EYS: variants seen among roughly 807,000 people sequenced by gnomAD.
EYS encodes the protein protein eyes shut homolog.
EYS carries 250 observed loss-of-function variants against 282.1 expected under a neutral mutation model. The observed-to-expected ratio is 0.89, with a 90% confidence interval of 0.80 to 0.98. EYS has a LOEUF of 0.98. Ranked by LOEUF, EYS falls within the 50% of genes least tolerant of loss-of-function variation. EYS has a pLI of 0.00. For missense variants in EYS, 4,016 were observed against 3,709.0 expected, an observed-to-expected ratio of 1.08 and a Z score of -2.15; for synonymous variants, 1,355 against 1,282.9, an observed-to-expected ratio of 1.06 and a Z score of -1.20.
At chr6:65,420,032 T>A (rs1767394933) in intron 5 of EYS, among the ~76,000 whole-genome samples, 1 of 152,050 alleles carries the variant, frequency 6.6e-6, no homozygotes, top group African/African-American at 2.4e-5. Flanking sequence ...CTAATATTTT[T>A]GCTGATGGAA....
intron 31 of EYS, among the ~76,000 whole-genome samples, chr6:64,203,893 T>G (rs1765544978): frequency 6.6e-6 from 1 of 152,166 alleles, no homozygotes; most frequent in African/African-American, 2.4e-5. Flanking sequence ...TTGTATTCAG[T>G]TATTTAATCA....
chr6:63,927,468 A>G (rs1017010881), intron 35 of EYS, among the ~76,000 whole-genome samples: 2 of 152,212 alleles, frequency 1.3e-5, no homozygotes, highest in Non-Finnish European at 2.9e-5. Flanking sequence ...TCATAAAACA[A>G]TTAACATTTC....
intron 12 of EYS, among the ~76,000 whole-genome samples, chr6:65,216,261 A>T (rs1173144587): frequency 6.6e-6 from 1 of 152,090 alleles, no homozygotes; most frequent in Non-Finnish European, 1.5e-5. Context: ...GTCTTAAATG[A>T]GTAAAAAGTG....
At position 64,439,292 on chromosome 6, in the gene EYS, T is replaced by A. The variant is rs9353806; in HGVS notation, c.5705A>T (p.Asn1902Ile). The change falls in exon 27 of 43, where the codon AAT becomes ATT. Residue 1902 changes from asparagine to isoleucine, a missense_variant. Transcript: ENST00000503581. ...TTCTAGGGAGATGTTATTTTGTGGA[T>A]TTAAAGCCACATTCTGAAATTCTAG... The part of the protein sequence containing the change: ...SYLEFQNVAL[N>I]PQNNISLEFQ... 448,024 of 1,521,466 alleles carry A rather than the reference T, an allele frequency of 0.29. 67,207 individuals are homozygous for A. The highest frequency in any genetic ancestry group is 0.46 in the East Asian group (17,958 of 38,962). The allele number at this position is 1,521,466 out of a possible 1,614,324, so 94.2% of individuals were successfully genotyped here.
chr6:64,395,675 C>T (rs1195677904), intron 28 of EYS, among the ~76,000 whole-genome samples: 2 of 151,192 alleles, frequency 1.3e-5, no homozygotes, highest in Non-Finnish European at 2.9e-5. Flanking sequence ...GCAGATATAC[C>T]TAATGCTAGA....
intron 31 of EYS, among the ~76,000 whole-genome samples, chr6:64,151,321 A>ATATATATATATATATATATT (rs1774706767): frequency 1.8e-4 from 9 of 49,278 alleles, no homozygotes; most frequent in African/African-American, 6.6e-4. Context: ...GTATATTTAT[A>ATATATATATATATATATATT]TATATATATA....
intron 30 of EYS, among the ~76,000 whole-genome samples, chr6:64,266,876 G>T (rs1233541016): frequency 6.6e-6 from 1 of 152,062 alleles, no homozygotes; most frequent in Non-Finnish European, 1.5e-5. Flanking sequence ...AGTTAGAAGG[G>T]TTAGAAACAT....
At chr6:65,408,922 T>C (rs925001746) in intron 5 of EYS, among the ~76,000 whole-genome samples, 5 of 152,134 alleles carry the variant, frequency 3.3e-5, no homozygotes, top group African/African-American at 1.2e-4. Context: ...ATTTCATAAT[T>C]TTTCATATGG....
chr6:64,024,782 G>A (rs1045559654), intron 33 of EYS, among the ~76,000 whole-genome samples: 7 of 151,966 alleles, frequency 4.6e-5, no homozygotes, highest in Admixed American at 6.6e-5. Context: ...CTGCGCCAGC[G>A]AGATCACGAA....
intron 2 of EYS, among the ~76,000 whole-genome samples, chr6:65,500,261 G>C (rs185983568): frequency 3.3e-5 from 5 of 151,904 alleles, no homozygotes; most frequent in Non-Finnish European, 7.4e-5. Flanking sequence ...TAAACAAAGC[G>C]GCTGAGGCAA....
intron 19 of EYS, among the ~76,000 whole-genome samples, chr6:64,856,792 T>G (rs2150045674): frequency 6.6e-6 from 1 of 152,276 alleles, no homozygotes; most frequent in African/African-American, 2.4e-5. Context: ...TTTTTTTTCT[T>G]CTCTCATGGA....
intron 12 of EYS, among the ~76,000 whole-genome samples, chr6:65,119,630 C>CTTTTT (rs3036008): frequency 0.025 from 3,352 of 135,270 alleles, 141 homozygotes; most frequent in African/African-American, 0.075. Context: ...GCCTTTTTAT[C>CTTTTT]TTTTTTTTTT....
intron 35 of EYS, among the ~76,000 whole-genome samples, chr6:63,895,305 A>C (rs1349729300): frequency 6.6e-6 from 1 of 152,212 alleles, no homozygotes; most frequent in Non-Finnish European, 1.5e-5. Flanking sequence ...ATATAGTATT[A>C]ATTACTGTAC....
At chr6:65,068,592 G>C (rs1414403723) in intron 12 of EYS, among the ~76,000 whole-genome samples, 1 of 151,992 alleles carries the variant, frequency 6.6e-6, no homozygotes, top group Non-Finnish European at 1.5e-5. Context: ...CAACATGTGA[G>C]TTCCAGGTGG....
At chr6:65,287,578 A>G (rs536308280) in intron 12 of EYS, among the ~76,000 whole-genome samples, 2 of 151,460 alleles carry the variant, frequency 1.3e-5, no homozygotes, top group South Asian at 4.1e-4. Context: ...TGTTTTGTAT[A>G]GCTTTTGCAT....
At chr6:63,903,599 C>T (rs113687788) in intron 35 of EYS, among the ~76,000 whole-genome samples, 69 of 152,310 alleles carry the variant, frequency 4.5e-4, no homozygotes, top group African/African-American at 1.3e-3. Context: ...TTCTCCTTCC[C>T]TTTACCCTAG....
At chr6:65,365,274 A>G (rs1764871520) in intron 8 of EYS, among the ~76,000 whole-genome samples, 1 of 151,764 alleles carries the variant, frequency 6.6e-6, no homozygotes, top group Admixed American at 6.7e-5. Flanking sequence ...TCCAGGACCT[A>G]GGAGGATTCC....
At chr6:65,458,538 C>T (rs544017513) in intron 5 of EYS, among the ~76,000 whole-genome samples, 65 of 152,072 alleles carry the variant, frequency 4.3e-4, no homozygotes, top group Non-Finnish European at 7.1e-4. Flanking sequence ...AGAAATGTTT[C>T]GAGAACTTCA....
At chr6:64,057,455 C>G (rs1351252823) in intron 33 of EYS, among the ~76,000 whole-genome samples, 3 of 151,318 alleles carry the variant, frequency 2.0e-5, no homozygotes, top group African/African-American at 7.3e-5. Flanking sequence ...TTATAATCCA[C>G]CTTCACATAT....
Sources: allele counts gnomAD v4.1 joint callset (sites outside exome capture counted in the v4.1 genomes callset), GRCh38; gene constraint gnomAD v4.1.1; transcripts MANE v1.5; gene names NCBI Gene and HGNC (gene_info 2026-07-23, HGNC 2026-07-21).